The following MAP4K5 variants were observed in gnomAD, a reference collection of about 807,000 sequenced individuals.
MAP4K5 encodes the protein mitogen-activated protein kinase kinase kinase kinase 5.
A neutral mutation model predicts 135.6 loss-of-function variants in MAP4K5; 82 were observed. The ratio of observed to expected loss-of-function variants is 0.60; its 90% CI spans 0.51 to 0.73. The LOEUF (loss-of-function observed/expected upper bound fraction) is 0.73, where lower values mean the gene tolerates loss of function less well. Among genes scored for constraint, MAP4K5 ranks in the 30% least tolerant of loss-of-function variants. MAP4K5 has a pLI of 0.00. For missense variants in MAP4K5, 907 were observed against 1,010.9 expected (o/e 0.90, Z 1.39); for synonymous variants, 347 against 335.0 (o/e 1.04, Z -0.39).
intron 2 of MAP4K5, among the ~76,000 whole-genome samples, chr14:50,530,117 A>C (rs115175333): frequency 3.9e-4 from 60 of 152,250 alleles, no homozygotes; most frequent in African/African-American, 1.3e-3. Flanking sequence ...GTGAGGAAGC[A>C]ACATTGTGAG....
chr14:50,546,872 T>C (rs972081158), intron 1 of MAP4K5, among the ~76,000 whole-genome samples: 1 of 152,110 alleles, frequency 6.6e-6, no homozygotes, highest in African/African-American at 2.4e-5. Flanking sequence ...AGTTCTGGGG[T>C]ACATGTGCGG....
chr14:50,556,123 A>C (rs1398988372), intron 1 of MAP4K5, among the ~76,000 whole-genome samples: 1 of 152,232 alleles, frequency 6.6e-6, no homozygotes, highest in East Asian at 1.9e-4. Context: ...ATTCTGATTT[A>C]AAATGAACTT....
intron 26 of MAP4K5, among the ~76,000 whole-genome samples, chr14:50,436,024 G>A (rs1404270865): frequency 6.6e-6 from 1 of 152,042 alleles, no homozygotes; most frequent in African/African-American, 2.4e-5. Context: ...GCACATTTGT[G>A]GTTAAACATT....
intron 14 of MAP4K5, among the ~76,000 whole-genome samples, chr14:50,454,818 A>C (rs1163341429): frequency 6.6e-6 from 1 of 151,984 alleles, no homozygotes; most frequent in Non-Finnish European, 1.5e-5. Flanking sequence ...TTAACCACAT[A>C]AGCTGATTCT....
At chr14:50,552,713 A>G (rs1248359392) in intron 1 of MAP4K5, among the ~76,000 whole-genome samples, 2 of 152,206 alleles carry the variant, frequency 1.3e-5, no homozygotes, top group East Asian at 3.8e-4. Flanking sequence ...AAAGCCAAAT[A>G]CTTACAGCTA....
At chr14:50,524,436 G>A (rs1473438114) in intron 2 of MAP4K5, among the ~76,000 whole-genome samples, 1 of 152,076 alleles carries the variant, frequency 6.6e-6, no homozygotes, top group African/African-American at 2.4e-5. Flanking sequence ...CAATATACTA[G>A]TACAGGTGTT....
intron 28 of MAP4K5, among the ~76,000 whole-genome samples, chr14:50,432,186 A>G (rs1021306191): frequency 6.6e-6 from 1 of 152,232 alleles, no homozygotes; most frequent in African/African-American, 2.4e-5. Flanking sequence ...ACTGAGCCTA[A>G]AAGAGTCTTG....
At position 50,464,127 on chromosome 14, in the gene MAP4K5, T is replaced by C. The variant is rs146903061; in HGVS notation, c.744A>G (p.Ser248=). 2.9e-4 allele frequency: 431 copies of C among 1,499,928 alleles called. 1 individual carries two copies. The African/African-American group carries it at 5.1e-3, about 18-fold the overall frequency. 92.9% of individuals were successfully genotyped at this position (1,499,928 alleles called of 1,614,324 possible). ...PKLKDKTKWS[S]TFHNFVKIAL... is the part of the protein sequence containing the mutation. ...CTATTTTGACAAAATTATGGAATGT[T>C]GATGACCTTAAAATAAAAAGAGACG... Residue 248 remains serine (S), a synonymous_variant, in exon 12 of 33, where the codon TCA becomes TCG. Transcript: ENST00000682126.
At chr14:50,545,901 A>G (rs1322382088) in intron 1 of MAP4K5, among the ~76,000 whole-genome samples, 1 of 152,242 alleles carries the variant, frequency 6.6e-6, no homozygotes, top group Non-Finnish European at 1.5e-5. Flanking sequence ...AGAAAAATCC[A>G]GAGCTCAAAT....
chr14:50,456,500 T>A lies in MAP4K5; in HGVS notation c.1015+16A>T. On this transcript the variant is annotated intron_variant, in intron 14 of 32. Transcript: ENST00000682126. ...CCTCCAAAACCACCAATGGAAAATG[T>A]AAACCAAACACATACAATTTATTTC... 6.5e-7 allele frequency: 1 copy of A among 1,546,730 alleles called. No homozygotes were observed. Among genetic ancestry groups the A allele is most frequent in the Non-Finnish European group, 8.8e-7 (1 of 1,137,892 alleles).
At chr14:50,436,899 G>A (rs901198763) in intron 26 of MAP4K5, among the ~76,000 whole-genome samples, 2 of 152,162 alleles carry the variant, frequency 1.3e-5, no homozygotes, top group East Asian at 1.9e-4. Flanking sequence ...TGTTCTAAAC[G>A]GTAATGATTT....
intron 2 of MAP4K5, among the ~76,000 whole-genome samples, chr14:50,520,153 AG>A (rs2038118209): frequency 6.6e-6 from 1 of 151,998 alleles, no homozygotes; most frequent in African/African-American, 2.4e-5. Flanking sequence ...TCACGAGGTC[AG>A]GAGCTCAAGA....
chr14:50,420,083 G>T lies in MAP4K5; in HGVS notation c.2477C>A (p.Pro826Gln). 6.2e-7 allele frequency: 1 copy of T among 1,609,930 alleles called. No homozygotes were observed. Among genetic ancestry groups the T allele is most frequent in the Non-Finnish European group, 8.5e-7 (1 of 1,177,918 alleles). The change falls in exon 33 of 33, where the codon CCA becomes CAA. Residue 826 changes from proline (P) to glutamine (Q), a missense_variant. Pro to Gln is a moderately conservative substitution (Grantham distance 76, BLOSUM62 -1). Transcript: ENST00000682126. ...SDRVVVLESRPTENPTAHSNL... is the reference protein window; with the variant it reads ...SDRVVVLESRQTENPTAHSNL... ...GCTGTGTGCAGTAGGATTTTCTGTT[G>T]GCCTACTTTCCAAAACGACAACCCT...
intron 2 of MAP4K5, among the ~76,000 whole-genome samples, chr14:50,523,576 T>C (rs2038195877): frequency 6.6e-6 from 1 of 152,220 alleles, no homozygotes; most frequent in Non-Finnish European, 1.5e-5. Flanking sequence ...ACCCTGACCA[T>C]CCTTATATAA....
intron 3 of MAP4K5, among the ~76,000 whole-genome samples, chr14:50,494,225 T>C (rs2037547077): frequency 1.3e-5 from 2 of 151,926 alleles, no homozygotes; most frequent in Admixed American, 6.6e-5. Flanking sequence ...TGGAGTGCAG[T>C]GGCACAATCT....
chr14:50,445,288 T>C lies in MAP4K5; in HGVS notation c.1186-94A>G, dbSNP rs114013371. The C allele has an allele frequency of 2.2e-3, 2,509 of 1,150,666 alleles. 29 individuals carry two copies. In the African/African-American group the frequency reaches 0.034, roughly 16 times the overall value. 71.3% of individuals were successfully genotyped at this position (1,150,666 alleles called of 1,614,324 possible). ...AAATGCACCTTTTTTCATTCTTCTATACAGTTCAATTCACTGGGCTAAGTG... is the reference window on the plus strand; with the variant it reads ...AAATGCACCTTTTTTCATTCTTCTACACAGTTCAATTCACTGGGCTAAGTG... On this transcript the variant is annotated intron_variant, in intron 17 of 32. Coordinates refer to ENST00000682126, the MANE Select transcript of MAP4K5 (RefSeq NM_006575.6).
At chr14:50,420,285 T>C (rs2035696277) in intron 32 of MAP4K5, among the ~76,000 whole-genome samples, 179 bp from the exon 33 acceptor site, 1 of 152,192 alleles carries the variant, frequency 6.6e-6, no homozygotes, top group Non-Finnish European at 1.5e-5. Context: ...TAAGAATTGA[T>C]GAATATAAAA....
At chr14:50,508,994 A>G (rs540492504) in intron 2 of MAP4K5, among the ~76,000 whole-genome samples, 5 of 152,332 alleles carry the variant, frequency 3.3e-5, no homozygotes, top group Admixed American at 1.3e-4. Context: ...ATGTCCATCA[A>G]TGATAGACTG....
At chr14:50,457,387 G>A (rs936965039) in intron 13 of MAP4K5, among the ~76,000 whole-genome samples, 1 of 152,156 alleles carries the variant, frequency 6.6e-6, no homozygotes, top group Non-Finnish European at 1.5e-5. Context: ...GAATATTGTA[G>A]TAAGCCAAGT....
Sources: allele counts gnomAD v4.1 joint callset (sites outside exome capture counted in the v4.1 genomes callset), GRCh38; gene constraint gnomAD v4.1.1; transcripts MANE v1.5; gene names NCBI Gene and HGNC (gene_info 2026-07-23, HGNC 2026-07-21).